Variants in ANKRD11 observed in about 807,000 individuals in gnomAD.
The protein encoded by ANKRD11 is ankyrin repeat domain-containing protein 11.
ANKRD11 carries 17 observed loss-of-function variants against 195.7 expected under a neutral mutation model. The observed-to-expected ratio is 0.09, with a 90% confidence interval of 0.06 to 0.13. The LOEUF (loss-of-function observed/expected upper bound fraction) is 0.13. ANKRD11 is among the 10% of genes least tolerant of loss of function. The pLI, the probability that ANKRD11 is intolerant of heterozygous loss-of-function variation, is 1.00. For missense variants in ANKRD11, 3,735 were observed against 3,566.1 expected (o/e 1.05, Z -1.21); for synonymous variants, 1,953 against 1,528.1 (o/e 1.28, Z -6.49).
At chr16:89,335,467 C>A (rs115200336) in intron 2 of ANKRD11, among the ~76,000 whole-genome samples, 3 of 152,310 alleles carry the variant, frequency 2.0e-5, no homozygotes. Flanking sequence ...CCACCTAGCA[C>A]GCAGTACGCA....
chr16:89,307,426 T>G (rs1400267551), intron 3 of ANKRD11, among the ~76,000 whole-genome samples: 1 of 152,156 alleles, frequency 6.6e-6, no homozygotes, highest in African/African-American at 2.4e-5. Flanking sequence ...TTCCAGAACA[T>G]GCTGCAAGCT....
At chr16:89,456,817 G>A (rs535769925) in intron 1 of ANKRD11, among the ~76,000 whole-genome samples, 1 of 152,308 alleles carries the variant, frequency 6.6e-6, no homozygotes, top group African/African-American at 2.4e-5. Context: ...GCGGAGAAGT[G>A]GAGCGCTTCC....
intron 3 of ANKRD11, among the ~76,000 whole-genome samples, chr16:89,311,165 T>G (rs2036588554): frequency 6.6e-6 from 1 of 152,260 alleles, no homozygotes; most frequent in African/African-American, 2.4e-5. Flanking sequence ...CATGGTGTTT[T>G]CAGTCTTATA....
At chr16:89,479,636 A>C (rs566220204) in intron 1 of ANKRD11, among the ~76,000 whole-genome samples, 5 of 18,940 alleles carry the variant, frequency 2.6e-4, no homozygotes, top group South Asian at 2.1e-3. Context: ...CTCCGCCCCC[A>C]AAAAAAATTA....
rs2036174533 is a variant in ANKRD11 at position 89,305,773 on chromosome 16, TCCCACTCCGCAGACACGCGCC to T, written c.88-450_88-430del. 1.7e-5 allele frequency among the ~76,000 whole-genome samples: 2 copies of T among 118,426 alleles called. 1 individual carries two copies. Among genetic ancestry groups the T allele is most frequent in the Non-Finnish European group, 3.5e-5 (2 of 57,602 alleles). The allele number at this position is 118,426 out of a possible 152,430, so 77.7% of individuals were successfully genotyped here. On this transcript the variant is annotated intron_variant, in intron 3 of 12. Transcript: ENST00000301030. ...TCCCACTCCGCAGACACGCGCCACC[TCCCACTCCGCAGACACGCGCC>T]ACCTCCCACTCCGCAGACATGCGCC...
chr16:89,466,613 G>A (rs1320675174), intron 1 of ANKRD11, among the ~76,000 whole-genome samples: 1 of 152,068 alleles, frequency 6.6e-6, no homozygotes, highest in Non-Finnish European at 1.5e-5. Context: ...AGAAAACGAC[G>A]ATTAGTGCTC....
intron 2 of ANKRD11, among the ~76,000 whole-genome samples, chr16:89,393,316 T>TTA (rs1028783863): frequency 5.7e-5 from 8 of 139,522 alleles, no homozygotes; most frequent in African/African-American, 2.2e-4. Context: ...TTATTTTTAT[T>TTA]TTTTTTTTTT....
chr16:89,485,323 TAAAAAAAAA>T (rs397855823), intron 1 of ANKRD11, among the ~76,000 whole-genome samples: 1 of 128,108 alleles, frequency 7.8e-6, no homozygotes, highest in East Asian at 2.2e-4. Flanking sequence ...ATCTCTACTT[TAAAAAAAAA>T]AAAAAAAAAA....
intron 3 of ANKRD11, among the ~76,000 whole-genome samples, chr16:89,315,930 G>T (rs958589812): frequency 6.6e-6 from 1 of 152,114 alleles, no homozygotes; most frequent in African/African-American, 2.4e-5. Flanking sequence ...GCAGCAAGAG[G>T]CCTCACAGGT....
rs576116277 is a variant in ANKRD11 at position 89,469,019 on chromosome 16, C to G, written c.-145+21226G>C. On this transcript the variant is annotated intron_variant, in intron 1 of 12. Transcript: ENST00000301030. Reference sequence around the variant, plus strand: ...TGTAATAGAAGGGAACTTCCTCAACCTCATAAAGTGCCTTTATGAAATCCC... The same window carrying G: ...TGTAATAGAAGGGAACTTCCTCAACGTCATAAAGTGCCTTTATGAAATCCC... 5.9e-5 allele frequency among the ~76,000 whole-genome samples: 9 copies of G among 152,256 alleles called. No individual in the cohort carries two copies. In the South Asian group the frequency reaches 1.9e-3, roughly 32 times the overall value.
rs761509487 is a variant in ANKRD11 at position 89,281,857 on chromosome 16, C to A, written c.4685G>T (p.Gly1562Val). 6.2e-7 allele frequency: 1 copy of A among 1,613,916 alleles called. No homozygotes were observed. The highest frequency in any genetic ancestry group is 8.5e-7 in the Non-Finnish European group (1 of 1,180,040). ...NDKVAPSKDP[G>V]KKDARPREKL... ...CTCCCTGGGCCTGGCGTCTTTCTTG[C>A]CTGGGTCTTTGGATGGCGCTACCTT... Residue 1562 changes from glycine to valine, a missense_variant, in exon 9 of 13, where the codon GGC becomes GTC. Transcript: ENST00000301030. The surrounding 1 kb of genome is among the most constrained non-coding windows in gnomAD (Gnocchi z 5.5).
intron 1 of ANKRD11, among the ~76,000 whole-genome samples, chr16:89,445,282 A>T (rs1191867613): frequency 6.6e-6 from 1 of 152,242 alleles, no homozygotes; most frequent in East Asian, 1.9e-4. Flanking sequence ...TGTTTTCTTT[A>T]ACTAATATAT....
intron 1 of ANKRD11, among the ~76,000 whole-genome samples, chr16:89,419,002 G>A (rs781087317): frequency 9.9e-5 from 15 of 152,134 alleles, no homozygotes; most frequent in Admixed American, 7.2e-4. Flanking sequence ...GATTACAGGC[G>A]TCAGCCACCA....
intron 11 of ANKRD11, 66 bp downstream of exon 11, chr16:89,274,748 G>C: frequency 1.3e-6 from 2 of 1,597,314 alleles, no homozygotes; most frequent in Middle Eastern, 2.2e-4. Flanking sequence ...AATCTATCAA[G>C]GGGAGGGGAG....
intron 2 of ANKRD11, among the ~76,000 whole-genome samples, chr16:89,342,383 T>C (rs2038733241): frequency 1.3e-5 from 2 of 152,188 alleles, no homozygotes; most frequent in South Asian, 4.1e-4. Context: ...CCCAGAGATG[T>C]TGAGGCCTTG....
At chr16:89,273,968 G>A (rs2033413270) in intron 11 of ANKRD11, among the ~76,000 whole-genome samples, 1 of 152,216 alleles carries the variant, frequency 6.6e-6, no homozygotes, top group Admixed American at 6.5e-5. Context: ...CCACTGCACA[G>A]GATGTGGGGC....
At chr16:89,292,908 TC>T (rs2035158825) in intron 4 of ANKRD11, among the ~76,000 whole-genome samples, 1 of 152,076 alleles carries the variant, frequency 6.6e-6, no homozygotes, top group Non-Finnish European at 1.5e-5. Context: ...GGGCCGGCCC[TC>T]CCCAGGCTTG....
At position 89,282,730 on chromosome 16, in the gene ANKRD11, G is replaced by C. The variant is rs767520089; in HGVS notation, c.3812C>G (p.Ser1271Trp). 1 of 1,613,540 alleles carries C rather than the reference G, an allele frequency of 6.2e-7. No individual in the cohort carries two copies. Among genetic ancestry groups the C allele is most frequent in the Non-Finnish European group, 8.5e-7 (1 of 1,179,972 alleles). ...GCTTTTTTCCGCGTCGGCACTTCTC[G>C]AGGACTTCCTCTCCTTGGAATGTTC... Reference protein sequence around the residue: ...DKEHSKERKSSRSADAEKSLL... With the variant: ...DKEHSKERKSWRSADAEKSLL... The change falls in exon 9 of 13, where the codon TCG becomes TGG. Residue 1271 changes from serine to tryptophan, a missense_variant. By Grantham distance (177) the Ser-to-Trp change is radical (BLOSUM62 -3). Coordinates refer to ENST00000301030, the MANE Select transcript of ANKRD11 (RefSeq NM_013275.6).
In ANKRD11 at chr16:89,279,744, C is replaced by A; in HGVS notation, c.6798G>T (p.Ala2266=). 1.3e-6 allele frequency: 2 copies of A among 1,526,864 alleles called. No individual in the cohort carries two copies. The highest frequency in any genetic ancestry group is 1.8e-6 in the Non-Finnish European group (2 of 1,140,784). The allele number at this position is 1,526,864 out of a possible 1,614,324, so 94.6% of individuals were successfully genotyped here. The change falls in exon 9 of 13, where the codon GCG becomes GCT. Residue 2266 remains alanine (A), a synonymous_variant. Coordinates refer to ENST00000301030, the MANE Select transcript of ANKRD11 (RefSeq NM_013275.6). The surrounding 1 kb of genome is among the most constrained non-coding windows in gnomAD (Gnocchi z 5.6). ...QGAEAEGPPA[A]SLCAPDGPAP... is the part of the protein sequence containing the mutation. ...CGGGGCCGTCAGGGGCACAGAGGGACGCGGCGGGGGGGCCTTCAGCCTCAG... is the reference window on the plus strand; with the variant it reads ...CGGGGCCGTCAGGGGCACAGAGGGAAGCGGCGGGGGGGCCTTCAGCCTCAG...
Sources: gnomAD v4.1 joint callset for allele counts (sites outside exome capture counted in the v4.1 genomes callset) on GRCh38, gnomAD v4.1.1 for gene constraint, Gnocchi (gnomAD v3.1) non-coding constraint, MANE v1.5 for transcripts, NCBI Gene and HGNC (gene_info 2026-07-23, HGNC 2026-07-21) for gene names.